TOGARAM2: variants seen among roughly 807,000 people sequenced by gnomAD.
TOGARAM2 encodes the protein TOG array regulator of axonemal microtubules 2.
TOGARAM2 carries 85 observed loss-of-function variants against 93.3 expected under a neutral mutation model. The observed-to-expected ratio is 0.91, with a 90% CI of 0.76 to 1.09. The LOEUF (loss-of-function observed/expected upper bound fraction) is 1.09. TOGARAM2 is among the 50% of genes least tolerant of loss of function. TOGARAM2 has a pLI of 0.00. For missense variants in TOGARAM2, 1,277 were observed against 1,334.5 expected (o/e 0.96, Z 0.67); for synonymous variants, 593 against 552.8 (o/e 1.07, Z -1.02).
At chr2:28,991,929 A>C (rs1172129814) in intron 1 of TOGARAM2, among the ~76,000 whole-genome samples, 1 of 152,160 alleles carries the variant, frequency 6.6e-6, no homozygotes, top group Non-Finnish European at 1.5e-5. Flanking sequence ...GGAGGCTGAG[A>C]GGGGAGAAGC....
At position 29,039,305 on chromosome 2, in the gene TOGARAM2, C is replaced by T. The variant is rs375001275; in HGVS notation, c.2635+2548C>T. ...GAAATTCTGGGCTCCAGGCTGGAGA[C>T]GACTGTTGAATGCTGTGAAATATTT... On this transcript the variant is annotated intron_variant, in intron 18 of 19. Transcript: ENST00000379558. 1.1e-4 allele frequency among the ~76,000 whole-genome samples: 16 copies of T among 152,104 alleles called. No homozygotes were observed. The East Asian group carries it at 1.2e-3, about 11-fold the overall frequency.
At position 29,023,090 on chromosome 2, in the gene TOGARAM2, A is replaced by G. The variant is rs751400040; in HGVS notation, c.1516A>G (p.Met506Val). Residue 506 changes from methionine to valine, a missense_variant, in exon 12 of 20, where the codon ATG becomes GTG. Physicochemically the swap from Met to Val is conservative, Grantham distance 21. Coordinates refer to ENST00000379558, the MANE Select transcript of TOGARAM2 (RefSeq NM_199280.4). ...GGGCCTGGCCTTGCTTCTCAGGCAGATGAAGGAGAAGGGTCTGGTGAGCAT... is the reference window on the plus strand; with the variant it reads ...GGGCCTGGCCTTGCTTCTCAGGCAGGTGAAGGAGAAGGGTCTGGTGAGCAT... The part of the protein sequence containing the change: ...LQCLNSSDWQ[M>V]KEKGLVSIQR... 1 of 1,591,026 alleles carries G rather than the reference A, an allele frequency of 6.3e-7. No individual in the cohort carries two copies. Among genetic ancestry groups the G allele is most frequent in the Non-Finnish European group, 8.6e-7 (1 of 1,168,590 alleles).
intron 16 of TOGARAM2, 145 bp downstream of exon 16, chr2:29,033,708 A>G: frequency 2.9e-6 from 2 of 683,210 alleles, no homozygotes; most frequent in Non-Finnish European, 4.9e-6. Context: ...ATACTAATAG[A>G]TGAATTTGCA....
chr2:29,011,617 T>A, intron 7 of TOGARAM2, 116 bp downstream of exon 7: 1 of 1,040,764 alleles, frequency 9.6e-7, no homozygotes, highest in Admixed American at 3.5e-5. Context: ...GTCTGGGCCC[T>A]TCATTTCACA....
chr2:29,032,484 C>T (rs111437575), intron 14 of TOGARAM2, among the ~76,000 whole-genome samples: 11 of 152,288 alleles, frequency 7.2e-5, no homozygotes, highest in Admixed American at 2.0e-4. Context: ...TATATTGTCC[C>T]GCTTTACCCT....
rs577594993 is a variant in TOGARAM2 at position 29,045,418 on chromosome 2, C to A, written c.2722+8C>A. On this transcript the variant is annotated splice_region_variant and intron_variant, in intron 19 of 19. Coordinates refer to ENST00000379558, the MANE Select transcript of TOGARAM2 (RefSeq NM_199280.4). ...TCACAGATCGCCTGGCAGGTGAGCACCCCCAGCCCCACCCCACCCCATCTC... is the reference window on the plus strand; with the variant it reads ...TCACAGATCGCCTGGCAGGTGAGCAACCCCAGCCCCACCCCACCCCATCTC... The A allele has an allele frequency of 1.1e-5, 17 of 1,610,698 alleles. 1 individual carries two copies. The South Asian group carries it at 1.9e-4, about 18-fold the overall frequency.
At chr2:28,979,370 TG>T, upstream of TOGARAM2, among the ~76,000 whole-genome samples, 1 of 152,352 alleles carries the variant, frequency 6.6e-6, no homozygotes, top group East Asian at 1.9e-4. Context: ...AGGGAGGATC[TG>T]CAGTCTTCCT....
rs2148288984 is a variant in TOGARAM2, at chr2:29,002,666, G to A, written c.558G>A (p.Glu186=). 6 of 1,614,026 alleles carry A rather than the reference G, an allele frequency of 3.7e-6. No individual in the cohort carries two copies. Among genetic ancestry groups the A allele is most frequent in the Non-Finnish European group, 5.1e-6 (6 of 1,179,888 alleles). ...PLIQSIPTTP[E]ASGVKEKGLD... is the part of the protein sequence containing the mutation. ...TCCAGAGCATCCCTACCACCCCTGA[G>A]GCCAGCGGAGTCAAAGAGAAGGGCC... The change falls in exon 5 of 20, where the codon GAG becomes GAA. Residue 186 remains glutamate (E), a synonymous_variant. Transcript: ENST00000379558.
chr2:28,973,467 C>CT, intron 1 of TOGARAM2, among the ~76,000 whole-genome samples: 3 of 84,578 alleles, frequency 3.5e-5, no homozygotes, highest in Non-Finnish European at 8.2e-5. Context: ...TCCTTCCTTC[C>CT]TCCCTCCCTC....
intron 10 of TOGARAM2, among the ~76,000 whole-genome samples, chr2:29,018,945 T>G (rs1249458625): frequency 1.3e-5 from 2 of 152,172 alleles, no homozygotes; most frequent in Non-Finnish European, 2.9e-5. Flanking sequence ...AACATTGTTT[T>G]ACTTTCATTG....
At chr2:28,980,479 G>C (rs568168398), upstream of TOGARAM2, among the ~76,000 whole-genome samples, 2 of 152,338 alleles carry the variant, frequency 1.3e-5, no homozygotes, top group Admixed American at 1.3e-4. Flanking sequence ...ATCTTTGGGC[G>C]AGTGGCTGTT....
Position 29,014,806 on chromosome 2 carries a change from C to T in TOGARAM2, c.1044+245C>T, listed in dbSNP as rs546870564. Among the ~76,000 whole-genome samples, 7 of 151,854 alleles carry T rather than the reference C, an allele frequency of 4.6e-5. No homozygotes were observed. The South Asian group carries it at 1.2e-3, about 27-fold the overall frequency. ...GGGGAACTAGGTGCAGGGAAGACTG[C>T]AGAGGGTTGCTGAAGGGGTAGGAGG... On this transcript the variant is annotated intron_variant, in intron 8 of 19. Transcript: ENST00000379558.
intron 1 of TOGARAM2, among the ~76,000 whole-genome samples, chr2:28,972,127 C>T (rs1488821388): frequency 4.6e-5 from 7 of 152,116 alleles, no homozygotes; most frequent in African/African-American, 1.2e-4. Flanking sequence ...CTCACTCTGT[C>T]GCCCAAGCTG....
At chr2:29,002,839 C>G (rs1673388866) in intron 5 of TOGARAM2, 92 bp downstream of exon 5, 6 of 1,228,432 alleles carry the variant, frequency 4.9e-6, no homozygotes, top group South Asian at 4.3e-5. Flanking sequence ...ACCCCTGACT[C>G]CATGCCCTGA....
intron 8 of TOGARAM2, among the ~76,000 whole-genome samples, chr2:29,014,883 C>T (rs866253532): frequency 7.2e-5 from 11 of 152,060 alleles, no homozygotes; most frequent in Non-Finnish European, 1.3e-4. Flanking sequence ...GGAAGCCGGA[C>T]GTGGGGAGAG....
At chr2:29,034,844 A>G (rs1665984847) in intron 16 of TOGARAM2, among the ~76,000 whole-genome samples, 1 of 151,984 alleles carries the variant, frequency 6.6e-6, no homozygotes, top group Non-Finnish European at 1.5e-5. Context: ...GTCTTTCCCC[A>G]CTCTTACATT....
chr2:29,032,296 T>C (rs2148369662), intron 14 of TOGARAM2, among the ~76,000 whole-genome samples: 1 of 152,324 alleles, frequency 6.6e-6, no homozygotes, highest in African/African-American at 2.4e-5. Context: ...TGCTGACATG[T>C]CACACTGTGT....
In TOGARAM2 at chr2:28,998,202, C is replaced by G; in HGVS notation, c.88C>G (p.Pro30Ala). ...CGSIPRTSAG[P>A]RVLPPGSINS... ...GAGCATCCCTCGGACCAGTGCTGGG[C>G]CCCGGGTGCTCCCGCCTGGAAGCAT... is the stretch of plus-strand genomic sequence containing the variant. Residue 30 changes from proline to alanine, a missense_variant, in exon 3 of 20, where the codon CCC becomes GCC. By Grantham distance (27) the Pro-to-Ala change is conservative. Coordinates refer to ENST00000379558, the MANE Select transcript of TOGARAM2 (RefSeq NM_199280.4). 6.2e-7 allele frequency: 1 copy of G among 1,612,014 alleles called. No individual in the cohort carries two copies. The highest frequency in any genetic ancestry group is 1.3e-5 in the African/African-American group (1 of 75,014).
chr2:29,046,130 G>C (rs77675989), intron 19 of TOGARAM2: 2 of 152,624 alleles, frequency 1.3e-5, no homozygotes, highest in African/African-American at 4.8e-5. Context: ...ATGTGGAGAC[G>C]GGGCCTTAGC....
Sources: allele counts gnomAD v4.1 joint callset (sites outside exome capture counted in the v4.1 genomes callset), GRCh38; gene constraint gnomAD v4.1.1; transcripts MANE v1.5; gene names NCBI Gene and HGNC (gene_info 2026-07-23, HGNC 2026-07-21).